The following FAM117A variants were observed in gnomAD, a reference collection of about 807,000 sequenced individuals.
FAM117A encodes protein FAM117A.
A neutral mutation model predicts 44.1 loss-of-function variants in FAM117A; 21 were observed. The ratio of observed to expected loss-of-function variants is 0.48; its 90% CI spans 0.34 to 0.69. The LOEUF is 0.69. Ranked by LOEUF, FAM117A falls within the 30% of genes least tolerant of loss-of-function variation. FAM117A has a pLI of 0.01. For synonymous variants in FAM117A, 220 were observed against 238.3 expected, an observed-to-expected ratio of 0.92 and a Z score of 0.71; for missense variants, 498 against 589.9, an observed-to-expected ratio of 0.84 and a Z score of 1.61.
intron 3 of FAM117A, among the ~76,000 whole-genome samples, chr17:49,722,267 G>C (rs959144144): frequency 1.3e-5 from 2 of 152,190 alleles, no homozygotes; most frequent in African/African-American, 4.8e-5. Flanking sequence ...CTGCTGAAAG[G>C]CACTAGCAGC....
intron 1 of FAM117A, among the ~76,000 whole-genome samples, chr17:49,772,344 A>C (rs1007626098): frequency 6.6e-6 from 1 of 151,996 alleles, no homozygotes; most frequent in South Asian, 2.1e-4. Context: ...GCGGTGGCTC[A>C]TGCCTGTAAT....
chr17:49,777,486 C>A (rs1008161686), intron 1 of FAM117A, among the ~76,000 whole-genome samples: 2 of 152,148 alleles, frequency 1.3e-5, no homozygotes, highest in Non-Finnish European at 2.9e-5. Flanking sequence ...TTAATGGACA[C>A]ACATCCAAAT....
At chr17:49,763,783 C>T (rs560829043) in intron 1 of FAM117A, 109 bp downstream of exon 1, 2 of 399,510 alleles carry the variant, frequency 5.0e-6, no homozygotes, top group East Asian at 7.3e-5. Context: ...TCTCTTCCCT[C>T]GCCCCCATCC....
rs774309596 is a variant in FAM117A, at chr17:49,722,592, C to T, written c.369G>A (p.Thr123=). ...TCCTNDKATQ[T]PLSWQELEGE... ...CTTCTAGCTCTTGCCAGGACAGGGG[C>T]GTCTGCAGGGAGAGAAACACAGTGA... The change falls in exon 3 of 8, where the codon ACG becomes ACA. Residue 123 remains threonine (T), a splice_region_variant and synonymous_variant. Transcript: ENST00000240364. The T allele has an allele frequency of 1.5e-5, 24 of 1,613,184 alleles. No individual in the cohort carries two copies. The highest frequency in any genetic ancestry group is 8.8e-5 in the South Asian group (8 of 90,974).
At chr17:49,725,046 C>G (rs2073553654) in intron 2 of FAM117A, among the ~76,000 whole-genome samples, 1 of 152,086 alleles carries the variant, frequency 6.6e-6, no homozygotes, top group South Asian at 2.1e-4. Flanking sequence ...TAGAATTCAC[C>G]ATCTGACCCT....
At chr17:49,720,527 C>G in intron 3 of FAM117A, 91 bp from the exon 4 acceptor site, 1 of 919,476 alleles carries the variant, frequency 1.1e-6, no homozygotes, top group South Asian at 1.4e-5. Context: ...CTGGCAGAGG[C>G]CCATGAAGAT....
At chr17:49,733,159 C>A (rs2073593716) in intron 1 of FAM117A, among the ~76,000 whole-genome samples, 1 of 152,198 alleles carries the variant, frequency 6.6e-6, no homozygotes, top group Admixed American at 6.5e-5. Context: ...CTTTGCAGGG[C>A]TTAGGCACTG....
chr17:49,771,509 C>A (rs2073760997), intron 1 of FAM117A, among the ~76,000 whole-genome samples: 1 of 151,822 alleles, frequency 6.6e-6, no homozygotes, highest in African/African-American at 2.4e-5. Context: ...TGTCCTCCTG[C>A]ACTAAAATAT....
chr17:49,742,138 A>C (rs903008040), intron 1 of FAM117A, among the ~76,000 whole-genome samples: 1 of 152,224 alleles, frequency 6.6e-6, no homozygotes, highest in African/African-American at 2.4e-5. Context: ...AAATGAAAAA[A>C]GGAGCGACGA....
rs989398839 is a variant in FAM117A at position 49,711,241 on chromosome 17, C to G, written c.*14G>C. 4 of 1,577,958 alleles carry G rather than the reference C, an allele frequency of 2.5e-6. No individual in the cohort carries two copies. Among genetic ancestry groups the G allele is most frequent in the Admixed American group, 1.8e-5 (1 of 56,300 alleles). ...CACTGGTCTCTATGGTAAAGTGGGG[C>G]AGGGGTGGGACCCTCAGACCATCAG... On this transcript the variant is annotated 3_prime_UTR_variant, in exon 8 of 8. Transcript: ENST00000240364.
At chr17:49,788,092 G>C (rs574201406) in intron 1 of FAM117A, among the ~76,000 whole-genome samples, 1 of 152,246 alleles carries the variant, frequency 6.6e-6, no homozygotes, top group South Asian at 2.1e-4. Flanking sequence ...CCTCCTCCCC[G>C]CGACATCAAC....
intron 1 of FAM117A, 31 bp downstream of exon 1, chr17:49,763,861 T>C: frequency 1.3e-6 from 1 of 746,420 alleles, no homozygotes; most frequent in Non-Finnish European, 1.6e-6. Flanking sequence ...CAATGGCTCC[T>C]TCCACGGCAC....
chr17:49,754,497 G>C (rs982686275), intron 1 of FAM117A, among the ~76,000 whole-genome samples: 7 of 151,802 alleles, frequency 4.6e-5, no homozygotes, highest in African/African-American at 7.3e-5. Context: ...GTAGAGACAG[G>C]GTTTCACTGT....
At chr17:49,750,829 T>C (rs971636006) in intron 1 of FAM117A, among the ~76,000 whole-genome samples, 4 of 152,036 alleles carry the variant, frequency 2.6e-5, no homozygotes, top group African/African-American at 9.7e-5. Flanking sequence ...GCTTGGTATA[T>C]AAGATTATTA....
upstream of FAM117A, among the ~76,000 whole-genome samples, chr17:49,767,998 C>T (rs997956717): frequency 2.6e-5 from 4 of 151,846 alleles, no homozygotes; most frequent in African/African-American, 9.7e-5. Context: ...TATGGGTTTC[C>T]AACAGCAAAT....
At chr17:49,789,002 A>G (rs936988637), upstream of FAM117A, 2 of 622,858 alleles carry the variant, frequency 3.2e-6, no homozygotes, top group Non-Finnish European at 5.1e-6. Context: ...ACCCAACAGA[A>G]AAATGTGGGC....
intron 6 of FAM117A, among the ~76,000 whole-genome samples, chr17:49,716,770 C>T (rs928836275): frequency 2.0e-5 from 3 of 152,208 alleles, no homozygotes; most frequent in Non-Finnish European, 4.4e-5. Context: ...CTCAACCCCA[C>T]TTGTAGGATA....
intron 1 of FAM117A, among the ~76,000 whole-genome samples, chr17:49,754,987 G>A (rs182265683): frequency 1.1e-4 from 16 of 145,290 alleles, no homozygotes; most frequent in African/African-American, 3.6e-4. Context: ...GTGGTGAGCC[G>A]AGATCGCACC....
Position 49,732,542 on chromosome 17 carries a change from C to T in FAM117A, c.366+9G>A. On this transcript the variant is annotated intron_variant, in intron 2 of 7. Transcript: ENST00000240364. ...TATCCCTTATCCCATCAGGAGAGAG[C>T]TTCATTACCTGGGTGGCCTTGTCAT... The T allele has an allele frequency of 6.2e-7, 1 of 1,614,034 alleles. No individual in the cohort carries two copies. Among genetic ancestry groups the T allele is most frequent in the Non-Finnish European group, 8.5e-7 (1 of 1,179,934 alleles).
Sources: gnomAD v4.1 joint callset for allele counts (sites outside exome capture counted in the v4.1 genomes callset) on GRCh38, gnomAD v4.1.1 for gene constraint, MANE v1.5 for transcripts, NCBI Gene and HGNC (gene_info 2026-07-23, HGNC 2026-07-21) for gene names.